The following PFAS variants were observed in gnomAD, a reference collection of about 807,000 sequenced individuals.
PFAS encodes the protein FGAM synthase.
PFAS carries 97 observed loss-of-function variants against 140.6 expected under a neutral mutation model. The observed-to-expected ratio is 0.69, with a 90% CI of 0.59 to 0.82. The LOEUF (loss-of-function observed/expected upper bound fraction) is 0.82. Ranked by LOEUF, PFAS falls within the 40% of genes least tolerant of loss-of-function variation. The pLI is 0.00. For synonymous variants in PFAS, 679 were observed against 718.8 expected (o/e 0.94, Z 0.88); for missense variants, 1,656 against 1,780.2 (o/e 0.93, Z 1.26).
chr17:8,267,066 G>T lies in PFAS; in HGVS notation c.3006G>T (p.Glu1002Asp). Residue 1002 changes from glutamate (E) to aspartate (D), a missense_variant, in exon 24 of 28, where the codon GAG (glutamate) becomes GAT (aspartate). Physicochemically the swap from Glu to Asp is conservative, Grantham distance 45 (BLOSUM62 2). Around this residue, in one of 2 missense-constraint regions of PFAS, gnomAD observed 883 missense variants for 1,023.0 expected, o/e 0.86. Transcript: ENST00000314666. The surrounding 1 kb of genome is among the most constrained non-coding windows in gnomAD (Gnocchi z 4.9). Reference sequence around the variant, plus strand: ...TGAACGGGGCTGTGGTTCTGGAGGAGCCTGTTGGGGAGCTGCGAGCCCTCT... The same window carrying T: ...TGAACGGGGCTGTGGTTCTGGAGGATCCTGTTGGGGAGCTGCGAGCCCTCT... ...VSVNGAVVLE[E>D]PVGELRALWE... is the part of the protein sequence containing the mutation. 1 of 1,614,074 alleles carries T rather than the reference G, an allele frequency of 6.2e-7. No individual in the cohort carries two copies. The highest frequency in any genetic ancestry group is 1.1e-5 in the South Asian group (1 of 91,080).
Position 8,269,156 on chromosome 17 carries a change from G to A in PFAS, c.3909G>A (p.Arg1303=). The A allele has an allele frequency of 8.1e-6, 13 of 1,613,886 alleles. No homozygotes were observed. Among genetic ancestry groups the A allele is most frequent in the East Asian group, 2.2e-5 (1 of 44,880 alleles). The change falls in exon 28 of 28, where the codon AGG becomes AGA. Residue 1303 remains arginine, a synonymous_variant. Coordinates refer to ENST00000314666, the MANE Select transcript of PFAS (RefSeq NM_012393.3). The stretch of plus-strand genomic sequence containing the variant: ...TGCCTCACCCTGAGCGGGCCGTTAG[G>A]CCTTGGCAGTGGGCATGGCGACCCC... ...AVMPHPERAV[R]PWQWAWRPPP... is the part of the protein sequence containing the mutation.
Position 8,268,723 on chromosome 17 carries a change from C to T in PFAS, c.3573C>T (p.Gly1191=). Residue 1191 remains glycine (G), a synonymous_variant, in exon 27 of 28, where the codon GGC becomes GGT. Coordinates refer to ENST00000314666, the MANE Select transcript of PFAS (RefSeq NM_012393.3). ...CTGACTCCCAGCCAGCCCGGCCAGG[C>T]CTTCTGCTACGCCACAACCTGTCTG... ...MGPDSQPARP[G]LLLRHNLSGR... The T allele has an allele frequency of 6.2e-7, 1 of 1,613,234 alleles. No individual in the cohort carries two copies. The highest frequency in any genetic ancestry group is 8.5e-7 in the Non-Finnish European group (1 of 1,179,934).
chr17:8,266,163 A>G lies in PFAS; in HGVS notation c.2702-71A>G, dbSNP rs969277303. 5.6e-6 allele frequency: 9 copies of G among 1,595,334 alleles called. No individual in the cohort carries two copies. Among genetic ancestry groups the G allele is most frequent in the Non-Finnish European group, 6.8e-6 (8 of 1,169,742 alleles). ...TCTGACACACACTCTTGATGGACTG[A>G]CTCCGGAAGGTGGGGTGGGGCTGTC... On this transcript the variant is annotated intron_variant, in intron 21 of 27. Transcript: ENST00000314666. This position sits in a 1 kb window ranked among gnomAD's most constrained non-coding sequence, Gnocchi z 5.0.
Position 8,256,817 on chromosome 17 carries a change from C to T in PFAS, c.947-18C>T. The T allele has an allele frequency of 6.3e-7, 1 of 1,584,418 alleles. No individual in the cohort carries two copies. The highest frequency in any genetic ancestry group is 8.6e-7 in the Non-Finnish European group (1 of 1,165,496). On this transcript the variant is annotated intron_variant, in intron 8 of 27. Coordinates refer to ENST00000314666, the MANE Select transcript of PFAS (RefSeq NM_012393.3). ...TGTCTCTGAGGCACCCAGACCTCTC[C>T]CCACTCTCTCTTTGCAGGAGTATGC...
chr17:8,251,753 C>G (rs1248415979), intron 1 of PFAS, among the ~76,000 whole-genome samples: 1 of 150,390 alleles, frequency 6.6e-6, no homozygotes, highest in Admixed American at 6.6e-5. Context: ...CTCACTGCAA[C>G]CTCTGCTTCC....
At chr17:8,256,035 C>G in intron 6 of PFAS, 125 bp downstream of exon 6, 2 of 829,748 alleles carry the variant, frequency 2.4e-6, no homozygotes, top group Admixed American at 5.2e-5. Flanking sequence ...CCTGGGCTCC[C>G]GTCATCCATC....
intron 20 of PFAS, 68 bp from the exon 21 acceptor site, chr17:8,265,794 C>T: frequency 7.2e-7 from 1 of 1,383,518 alleles, no homozygotes; most frequent in Non-Finnish European, 1.0e-6. Flanking sequence ...AATAGCAGTG[C>T]TGTGAGCCCC....
In PFAS at chr17:8,264,568, C is replaced by A. The variant is rs369217509; in HGVS notation, c.2016C>A (p.Pro672=). ...CTCTGGAGAGGGTTCTGAGGCTGCC[C>A]GCCGTGGCCAGCAAGCGCTACCTCA... ...HQALERVLRL[P]AVASKRYLTN... Residue 672 remains proline (P), a synonymous_variant, in exon 17 of 28, where the codon CCC becomes CCA. Coordinates refer to ENST00000314666, the MANE Select transcript of PFAS (RefSeq NM_012393.3). 5.6e-6 allele frequency: 9 copies of A among 1,613,358 alleles called. No individual in the cohort carries two copies.
chr17:8,255,406 G>A (rs1311027785), intron 4 of PFAS, 96 bp from the exon 5 acceptor site: 28 of 971,940 alleles, frequency 2.9e-5, no homozygotes, highest in Non-Finnish European at 2.3e-5. Context: ...TGTGGCAGTG[G>A]GCTAGCCTTG....
chr17:8,255,617 C>T lies in PFAS; in HGVS notation c.500C>T (p.Pro167Leu), dbSNP rs1258896994. Residue 167 changes from proline (P) to leucine (L), a missense_variant, in exon 5 of 28, where the codon CCG (proline) becomes CTG (leucine). This residue lies in a region of PFAS where 773 missense variants were observed against 757.3 expected (regional missense o/e 1.02). Coordinates refer to ENST00000314666, the MANE Select transcript of PFAS (RefSeq NM_012393.3). ...PIQSFSPESMPEPLNGPINIL... is the reference protein window; with the variant it reads ...PIQSFSPESMLEPLNGPINIL... Reference sequence around the variant, plus strand: ...CAGAGTTTCTCCCCTGAGAGCATGCCGGAACCCCTCAATGGCCCTATCAAT... The same window carrying T: ...CAGAGTTTCTCCCCTGAGAGCATGCTGGAACCCCTCAATGGCCCTATCAAT... 4 of 1,582,562 alleles carry T rather than the reference C, an allele frequency of 2.5e-6. No individual in the cohort carries two copies. The highest frequency in any genetic ancestry group is 1.7e-4 in the Middle Eastern group (1 of 5,890).
rs149801741 is a variant in PFAS, at chr17:8,267,451, A to G, written c.3255A>G (p.Leu1085=). Residue 1085 remains leucine (L), a synonymous_variant, in exon 25 of 28, where the codon TTA becomes TTG. Coordinates refer to ENST00000314666, the MANE Select transcript of PFAS (RefSeq NM_012393.3). This position sits in a 1 kb window ranked among gnomAD's most constrained non-coding sequence, Gnocchi z 4.9. ...GGGAGATGGCCGATGCCTTCCACTTAGCTGGGTTTGAGGTGAGCAGGGTAG... is the reference window on the plus strand; with the variant it reads ...GGGAGATGGCCGATGCCTTCCACTTGGCTGGGTTTGAGGTGAGCAGGGTAG... ...GDREMADAFH[L]AGFEVWDVTM... The G allele has an allele frequency of 3.1e-4, 498 of 1,613,966 alleles. 2 individuals are homozygous for G. The highest frequency in any genetic ancestry group is 1.3e-3 in the Middle Eastern group (8 of 6,084).
In PFAS at chr17:8,262,997, A is replaced by G; in HGVS notation, c.1410+4A>G. On this transcript the variant is annotated splice_donor_region_variant and intron_variant, in intron 12 of 27. Coordinates refer to ENST00000314666, the MANE Select transcript of PFAS (RefSeq NM_012393.3). ...TGGAGCTGCTTCATCTGTGCAGGTG[A>G]GTGGGAATTGCTAAAGGTGCAGAAT... 1.9e-6 allele frequency: 3 copies of G among 1,613,510 alleles called. No individual in the cohort carries two copies. Among genetic ancestry groups the G allele is most frequent in the Non-Finnish European group, 2.5e-6 (3 of 1,179,496 alleles).
In PFAS at chr17:8,269,043, C is replaced by G. The variant is rs1989938165; in HGVS notation, c.3796C>G (p.Pro1266Ala). Residue 1266 changes from proline (P) to alanine (A), a missense_variant, in exon 28 of 28, where the codon CCC becomes GCC. Physicochemically the swap from Pro to Ala is conservative, Grantham distance 27. This residue lies in a region of PFAS where 883 missense variants were observed against 1,023.0 expected (regional missense o/e 0.86). Coordinates refer to ENST00000314666, the MANE Select transcript of PFAS (RefSeq NM_012393.3). ...PLHWADDDGN[P>A]TEQYPLNPNG... ...GCACTGGGCTGATGATGACGGGAAC[C>G]CCACAGAGCAGTACCCTCTGAATCC... 1 of 1,614,020 alleles carries G rather than the reference C, an allele frequency of 6.2e-7. No individual in the cohort carries two copies. Among genetic ancestry groups the G allele is most frequent in the South Asian group, 1.1e-5 (1 of 91,088 alleles).
chr17:8,250,443 G>C (rs74837322), intron 1 of PFAS, among the ~76,000 whole-genome samples: 1,843 of 152,292 alleles, frequency 0.012, 38 homozygotes, highest in African/African-American at 0.041. Context: ...ATTGGAAATA[G>C]ATTTCCTGGT....
Position 8,268,734 on chromosome 17 carries a change from G to A in PFAS, c.3584G>A (p.Arg1195His), listed in dbSNP as rs372608754. ...CCAGCCCGGCCAGGCCTTCTGCTAC[G>A]CCACAACCTGTCTGGGCGCTACGAG... ...SQPARPGLLL[R>H]HNLSGRYESR... The change falls in exon 27 of 28, where the codon CGC (arginine) becomes CAC (histidine). Residue 1195 changes from arginine to histidine, a missense_variant. By Grantham distance (29) the Arg-to-His change is conservative (BLOSUM62 0). Coordinates refer to ENST00000314666, the MANE Select transcript of PFAS (RefSeq NM_012393.3). The A allele has an allele frequency of 2.4e-5, 38 of 1,612,930 alleles. No homozygotes were observed. The African/African-American group carries it at 3.7e-4, about 16-fold the overall frequency.
At chr17:8,261,854 G>A (rs537088923) in intron 11 of PFAS, among the ~76,000 whole-genome samples, 32 of 151,616 alleles carry the variant, frequency 2.1e-4, no homozygotes, top group South Asian at 1.0e-3. Context: ...CAAGCGATCC[G>A]CCCGCCTCAG....
chr17:8,263,330 A>C, intron 13 of PFAS, 65 bp downstream of exon 13: 1 of 1,555,614 alleles, frequency 6.4e-7, no homozygotes, highest in Non-Finnish European at 8.8e-7. Context: ...TCGTTTAGGG[A>C]GAGGTATCAG....
At position 8,257,056 on chromosome 17, in the gene PFAS, C is replaced by G. The variant is rs552424571; in HGVS notation, c.1075+93C>G. 9 of 1,378,386 alleles carry G rather than the reference C, an allele frequency of 6.5e-6. No homozygotes were observed. In the African/African-American group the frequency reaches 1.1e-4, roughly 17 times the overall value. 85.4% of individuals were successfully genotyped at this position (1,378,386 alleles called of 1,614,324 possible). On this transcript the variant is annotated intron_variant, in intron 9 of 27. Coordinates refer to ENST00000314666, the MANE Select transcript of PFAS (RefSeq NM_012393.3). ...TATCTGTTAGGTCCATAGGGTTATC[C>G]TGTGTGCCTTTTCTCAGGAGGAAGG...
In PFAS at chr17:8,266,007, G is replaced by A. The variant is rs1307745530; in HGVS notation, c.2691G>A (p.Gly897=). ...TGCGGGCCTTCAGCATCACTCAGGG[G>A]CTGCTGAAAGGTGAGTGAAGACCCC... The part of the protein sequence containing the change: ...NLVRAFSITQ[G]LLKDRLLCSG... The change falls in exon 21 of 28, where the codon GGG becomes GGA. Residue 897 remains glycine (G), a synonymous_variant. Transcript: ENST00000314666. This position sits in a 1 kb window ranked among gnomAD's most constrained non-coding sequence, Gnocchi z 5.0. The A allele has an allele frequency of 3.1e-6, 5 of 1,607,278 alleles. No homozygotes were observed. Among genetic ancestry groups the A allele is most frequent in the South Asian group, 1.1e-5 (1 of 90,126 alleles).
Sources: allele counts gnomAD v4.1 joint callset (sites outside exome capture counted in the v4.1 genomes callset), GRCh38; gene constraint gnomAD v4.1.1; regional missense constraint gnomAD v4.1.1; non-coding constraint Gnocchi (gnomAD v3.1); transcripts MANE v1.5; gene names NCBI Gene and HGNC (gene_info 2026-07-23, HGNC 2026-07-21).